The following PUS10 variants were observed in gnomAD, a reference collection of about 807,000 sequenced individuals.
PUS10 encodes tRNA pseudouridine synthase Pus10.
In PUS10, 59 loss-of-function variants were observed where a neutral mutation model predicts 75.0. The ratio of observed to expected loss-of-function variants is 0.79; its 90% CI spans 0.64 to 0.98. The LOEUF is 0.98. Ranked by LOEUF, PUS10 falls within the 50% of genes least tolerant of loss-of-function variation. The pLI is 0.00. For synonymous variants in PUS10, 219 were observed against 211.6 expected, an observed-to-expected ratio of 1.03 and a Z score of -0.30; for missense variants, 650 against 614.4, an observed-to-expected ratio of 1.06 and a Z score of -0.61.
chr2:61,017,721 G>C lies in PUS10; in HGVS notation c.-16+287C>G, dbSNP rs1423356013. On this transcript the variant is annotated intron_variant, in intron 1 of 17. Coordinates refer to ENST00000316752, the MANE Select transcript of PUS10 (RefSeq NM_144709.4). ...GTGCTGGTCTACGCGGGCCTGGACA[G>C]TCAGGGGTAGGAGCGGGAGCCGAGA... 4 of 1,521,400 alleles carry C rather than the reference G, an allele frequency of 2.6e-6. No individual in the cohort carries two copies. The East Asian group carries it at 7.3e-5, about 28-fold the overall frequency. The allele number at this position is 1,521,400 out of a possible 1,614,324, so 94.2% of individuals were successfully genotyped here. A position where few individuals can be genotyped will look rare whatever the true frequency, so the allele number is the denominator to read the frequency against.
At position 60,953,936 on chromosome 2, in the gene PUS10, G is replaced by A. The variant is rs969473036; in HGVS notation, c.1187C>T (p.Thr396Ile). The change falls in exon 14 of 18, where the codon ACA becomes ATA. Residue 396 changes from threonine (T) to isoleucine (I), a missense_variant. By Grantham distance (89) the Thr-to-Ile change is moderately conservative. Coordinates refer to ENST00000316752, the MANE Select transcript of PUS10 (RefSeq NM_144709.4). ...KIQVRDLQLV[T>I]REAIGHMKEG... ...TCTCCAATGAGCCTACTCTTACCTT[G>A]TGACAAGCTGCAAGTCACGTACTTG... is the stretch of plus-strand genomic sequence containing the variant. 1.2e-6 allele frequency: 2 copies of A among 1,613,416 alleles called. No homozygotes were observed. The highest frequency in any genetic ancestry group is 2.2e-5 in the South Asian group (2 of 91,062).
intron 4 of PUS10, among the ~76,000 whole-genome samples, chr2:60,998,467 G>A (rs1255059988): frequency 6.6e-6 from 1 of 152,098 alleles, no homozygotes; most frequent in East Asian, 1.9e-4. Context: ...CGAGGCGGAC[G>A]CATCACCTGT....
At chr2:60,973,381 G>A (rs1309140270) in intron 4 of PUS10, among the ~76,000 whole-genome samples, 1 of 152,260 alleles carries the variant, frequency 6.6e-6, no homozygotes, top group Non-Finnish European at 1.5e-5. Context: ...GTCCCCACAG[G>A]CCTGGAGGGG....
intron 4 of PUS10, among the ~76,000 whole-genome samples, chr2:60,987,033 T>C (rs759568316): frequency 2.8e-4 from 43 of 152,232 alleles, no homozygotes; most frequent in Non-Finnish European, 5.4e-4. Context: ...ATAAATTAAG[T>C]TGCTTCTTAA....
At chr2:60,995,363 G>T (rs1217680064) in intron 4 of PUS10, among the ~76,000 whole-genome samples, 1 of 152,118 alleles carries the variant, frequency 6.6e-6, no homozygotes, top group Non-Finnish European at 1.5e-5. Context: ...TGGTGGTGTG[G>T]CTGTTTTACA....
chr2:60,972,502 C>T (rs1470932611), intron 4 of PUS10, among the ~76,000 whole-genome samples: 1 of 151,960 alleles, frequency 6.6e-6, no homozygotes, highest in African/African-American at 2.4e-5. Context: ...GAAATGTATG[C>T]CAAATGCTTT....
chr2:61,010,578 G>T, intron 2 of PUS10: 1 of 424,998 alleles, frequency 2.4e-6, no homozygotes, highest in Non-Finnish European at 4.2e-6. Flanking sequence ...ACCCGCCTCG[G>T]CCTCCCAAAG....
intron 11 of PUS10, among the ~76,000 whole-genome samples, chr2:60,957,442 CTGTG>C (rs1675749300): frequency 6.6e-6 from 1 of 152,196 alleles, no homozygotes; most frequent in African/African-American, 2.4e-5. Context: ...AGCCCAGGCA[CTGTG>C]GTGCCCAGAG....
In PUS10 at chr2:60,940,865, G is replaced by T. The variant is rs1206; in HGVS notation, c.*1530C>A. ...CCTTTCAATGCATTGGCATTGACAA[G>T]AGTGAAAAAATTATTTGCTGTTATT... On this transcript the variant is annotated 3_prime_UTR_variant, in exon 18 of 18. Transcript: ENST00000316752. 0.44 allele frequency: 67,640 copies of T among 152,056 alleles called. 17,000 individuals are homozygous for T. Among genetic ancestry groups the T allele is most frequent in the Middle Eastern group, 0.62 (182 of 294 alleles). The allele number at this position is 152,056 out of a possible 1,614,324, so 9.4% of individuals were successfully genotyped here. A position where few individuals can be genotyped will look rare whatever the true frequency, so the allele number is the denominator to read the frequency against.
intron 4 of PUS10, among the ~76,000 whole-genome samples, chr2:60,996,977 T>G (rs1678507147): frequency 6.6e-6 from 1 of 152,218 alleles, no homozygotes; most frequent in Non-Finnish European, 1.5e-5. Flanking sequence ...TACACATTGA[T>G]GTTTTTCAAT....
Position 60,961,475 on chromosome 2 carries a change from C to G in PUS10, c.862G>C (p.Val288Leu), listed in dbSNP as rs992498033. 1.7e-5 allele frequency: 28 copies of G among 1,613,828 alleles called. No homozygotes were observed. The highest frequency in any genetic ancestry group is 2.4e-5 in the Non-Finnish European group (28 of 1,179,836). The stretch of plus-strand genomic sequence containing the variant: ...CTAAATATTTTACCAGCCACAAAAA[C>G]AGCACCATGAGCACATTCAATTTCA... ...VLEIECAHGA[V>L]FVAGRYNKYS... is the part of the protein sequence containing the mutation. Residue 288 changes from valine to leucine, a missense_variant, in exon 10 of 18, where the codon GTT (valine) becomes CTT (leucine). Physicochemically the swap from Val to Leu is conservative, Grantham distance 32. Transcript: ENST00000316752.
chr2:61,013,312 G>T (rs1679752080), intron 1 of PUS10, among the ~76,000 whole-genome samples: 1 of 151,066 alleles, frequency 6.6e-6, no homozygotes, highest in African/African-American at 2.4e-5. Context: ...TCTCTTGTCT[G>T]ACTGTAGGTC....
chr2:60,944,674 T>G (rs957165540), intron 17 of PUS10, among the ~76,000 whole-genome samples: 1 of 152,224 alleles, frequency 6.6e-6, no homozygotes, highest in Admixed American at 6.5e-5. Context: ...CCCTTGTGAA[T>G]CCATGTTTCT....
At chr2:61,002,464 G>C (rs377034333) in intron 4 of PUS10, among the ~76,000 whole-genome samples, 1 of 151,968 alleles carries the variant, frequency 6.6e-6, no homozygotes, top group Non-Finnish European at 1.5e-5. Flanking sequence ...TGTTTTTTGA[G>C]ACAGGATCTT....
chr2:60,956,899 T>C (rs1285763285), intron 11 of PUS10, among the ~76,000 whole-genome samples: 5 of 129,620 alleles, frequency 3.9e-5, no homozygotes, highest in Non-Finnish European at 6.1e-5. Context: ...GGCGTGAACC[T>C]GGGAGGCTGA....
intron 4 of PUS10, among the ~76,000 whole-genome samples, chr2:60,975,785 A>G (rs925335017): frequency 1.3e-5 from 2 of 148,262 alleles, no homozygotes; most frequent in Admixed American, 1.3e-4. Flanking sequence ...ATTTTGAGAC[A>G]GAGTCTCACT....
At chr2:61,006,790 T>C in intron 3 of PUS10, 147 bp from the exon 4 acceptor site, 1 of 622,746 alleles carries the variant, frequency 1.6e-6, no homozygotes, top group East Asian at 2.9e-5. Context: ...CTCACAAATA[T>C]CTTGAGATTA....
intron 4 of PUS10, among the ~76,000 whole-genome samples, chr2:60,988,660 G>A (rs1677876626): frequency 1.3e-5 from 2 of 152,124 alleles, no homozygotes; most frequent in African/African-American, 2.4e-5. Flanking sequence ...TTTTGAGATG[G>A]AGTCTTGCTC....
At chr2:60,999,412 C>T (rs545191002) in intron 4 of PUS10, among the ~76,000 whole-genome samples, 2 of 152,118 alleles carry the variant, frequency 1.3e-5, no homozygotes, top group East Asian at 1.9e-4. Context: ...CCCAGGAGTT[C>T]GAGACCAGCC....
Sources: gnomAD v4.1 joint callset for allele counts (sites outside exome capture counted in the v4.1 genomes callset) on GRCh38, gnomAD v4.1.1 for gene constraint, MANE v1.5 for transcripts, NCBI Gene and HGNC (gene_info 2026-07-23, HGNC 2026-07-21) for gene names.